The following DMD variants were observed in gnomAD, a reference collection of about 807,000 sequenced individuals.
DMD encodes the protein mutant dystrophin.
A neutral mutation model predicts 330.1 loss-of-function variants in DMD; 63 were observed. The ratio of observed to expected loss-of-function variants is 0.19; its 90% CI spans 0.16 to 0.24. The LOEUF (loss-of-function observed/expected upper bound fraction) is 0.24, where lower values mean the gene tolerates loss of function less well. Ranked by LOEUF, DMD falls within the 10% of genes least tolerant of loss-of-function variation. DMD has a pLI of 1.00. For missense variants in DMD, 3,344 were observed against 2,684.1 expected, an observed-to-expected ratio of 1.25 and a Z score of -5.43; for synonymous variants, 1,223 against 959.8, an observed-to-expected ratio of 1.27 and a Z score of -5.07.
intron 12 of DMD, among the ~76,000 whole-genome samples, chrX:32,602,647 A>C (rs1448918660): frequency 9.0e-6 from 1 of 111,346 alleles, no homozygotes. Flanking sequence ...AATGGTGATG[A>C]ATTATTTCAT....
intron 60 of DMD, among the ~76,000 whole-genome samples, chrX:31,413,754 T>C (rs968599695): frequency 1.8e-5 from 2 of 111,064 alleles, no homozygotes; most frequent in African/African-American, 6.6e-5. Context: ...CCATGTATAA[T>C]TCATGTAGTT....
At chrX:32,429,387 G>GTTATTTT (rs1191026907) in intron 29 of DMD, among the ~76,000 whole-genome samples, 3 of 44,201 alleles carry the variant, frequency 6.8e-5, no homozygotes, top group African/African-American at 3.3e-4. Flanking sequence ...TTTTTTTTGG[G>GTTATTTT]TTTTTTTTTT....
rs768998849 is a variant in DMD, at chrX:31,875,382, A to C, written c.6913-9T>G. On this transcript the variant is annotated splice_polypyrimidine_tract_variant and intron_variant, in intron 47 of 78. Coordinates refer to ENST00000357033, the MANE Select transcript of DMD (RefSeq NM_004006.3). ...GGTAAAGCTCTGGAAACCTGAAAGG[A>C]AAATACATTTTAAAAAGGTAAATAA... is the stretch of plus-strand genomic sequence containing the variant. 2 of 1,187,262 alleles carry C rather than the reference A, an allele frequency of 1.7e-6. No individual in the cohort carries two copies. The highest frequency in any genetic ancestry group is 4.4e-5 in the Admixed American group (2 of 45,046).
At chrX:33,117,856 CTT>C (rs1450101673) in intron 1 of DMD, among the ~76,000 whole-genome samples, 1 of 55,418 alleles carries the variant, frequency 1.8e-5, no homozygotes, top group African/African-American at 6.4e-5. Context: ...AGTATCTCAA[CTT>C]GTTGCAATTT....
At chrX:32,841,043 C>CCT (rs1569532518) in intron 4 of DMD, among the ~76,000 whole-genome samples, 1 of 111,576 alleles carries the variant, frequency 9.0e-6, no homozygotes, top group Non-Finnish European at 1.9e-5. Context: ...TGATCCATGT[C>CCT]CTCATCAACA....
At chrX:31,628,943 A>ATATATATATAT (rs756897440) in intron 54 of DMD, among the ~76,000 whole-genome samples, 148 of 70,635 alleles carry the variant, frequency 2.1e-3, no homozygotes, top group Non-Finnish European at 3.7e-3. Context: ...TATATATATA[A>ATATATATATAT]AATGCATGTA....
In DMD at chrX:32,645,062, C is replaced by T. The variant is rs1373509520; in HGVS notation, c.1051G>A (p.Val351Ile). Residue 351 changes from valine (V) to isoleucine (I), a missense_variant, in exon 10 of 79, where the codon GTA (valine) becomes ATA (isoleucine). Transcript: ENST00000357033. ...TCAGCAGAAAGAAGCCACGATAATA[C>T]TTCTTCTAAAGCTGTTTGATAACGG... ...LDRYQTALEE[V>I]LSWLLSAEDT... is the part of the protein sequence containing the mutation. The T allele has an allele frequency of 4.1e-6, 5 of 1,211,682 alleles. No homozygotes were observed. The South Asian group carries it at 5.3e-5, about 13-fold the overall frequency.
rs183919810 is a variant in DMD, at chrX:31,916,514, T to C, written c.6912+13082A>G. Among the ~76,000 whole-genome samples the C allele has an allele frequency of 2.9e-4, 32 of 111,988 alleles. No individual in the cohort carries two copies. The East Asian group carries it at 5.6e-3, about 20-fold the overall frequency. The stretch of plus-strand genomic sequence containing the variant: ...CTTTGCAAAGATGTCTGAAGAGACA[T>C]TCATGGCAAATCAATGGGGGTAACC... On this transcript the variant is annotated intron_variant, in intron 47 of 78. Coordinates refer to ENST00000357033, the MANE Select transcript of DMD (RefSeq NM_004006.3).
chrX:33,317,530 T>C (rs1005024873), intron 1 of DMD, among the ~76,000 whole-genome samples: 3 of 111,655 alleles, frequency 2.7e-5, no homozygotes, highest in Non-Finnish European at 3.8e-5. Flanking sequence ...GATTCCCATA[T>C]ACTATAAAAA....
intron 45 of DMD, among the ~76,000 whole-genome samples, chrX:31,943,479 C>A (rs772990197): frequency 4.5e-5 from 5 of 111,938 alleles, no homozygotes; most frequent in Non-Finnish European, 9.4e-5. Flanking sequence ...ACATTTCCAA[C>A]TATGAGAAAC....
At chrX:32,726,267 G>C (rs1239944909) in intron 7 of DMD, among the ~76,000 whole-genome samples, 1 of 111,004 alleles carries the variant, frequency 9.0e-6, no homozygotes, top group Non-Finnish European at 1.9e-5. Flanking sequence ...TCACAATGTA[G>C]CTTATCAATG....
At chrX:31,212,649 T>TA (rs2044855860) in intron 64 of DMD, among the ~76,000 whole-genome samples, 1 of 111,759 alleles carries the variant, frequency 8.9e-6, no homozygotes, top group Non-Finnish European at 1.9e-5. Flanking sequence ...TACAGAGTGA[T>TA]AGACTCTTAG....
chrX:32,478,194 G>C (rs1018495071), intron 21 of DMD, among the ~76,000 whole-genome samples: 15 of 111,214 alleles, frequency 1.3e-4, no homozygotes, highest in Non-Finnish European at 2.3e-4. Context: ...AAAAACATTA[G>C]AAGTCCTGTT....
At chrX:32,393,405 A>G (rs1285080142) in intron 30 of DMD, among the ~76,000 whole-genome samples, 1 of 111,590 alleles carries the variant, frequency 9.0e-6, no homozygotes, top group Non-Finnish European at 1.9e-5. Flanking sequence ...TTATGTCCCA[A>G]ATGAATGGTT....
intron 43 of DMD, among the ~76,000 whole-genome samples, chrX:32,278,933 C>A (rs1027657514): frequency 9.0e-6 from 1 of 111,490 alleles, no homozygotes; most frequent in Non-Finnish European, 1.9e-5. Flanking sequence ...GATTAATAAC[C>A]AGAATATATA....
At chrX:31,847,669 T>C (rs930317822) in intron 48 of DMD, among the ~76,000 whole-genome samples, 5 of 111,402 alleles carry the variant, frequency 4.5e-5, no homozygotes, top group African/African-American at 6.5e-5. Context: ...AAATGTGACA[T>C]AGAAAAGCTA....
intron 52 of DMD, among the ~76,000 whole-genome samples, chrX:31,699,711 G>A (rs1406380741): frequency 9.0e-6 from 1 of 111,531 alleles, no homozygotes; most frequent in Admixed American, 9.6e-5. Context: ...GAAGAACTTA[G>A]GGGTAAAGGG....
chrX:32,921,612 C>A (rs2088413983), intron 2 of DMD, among the ~76,000 whole-genome samples: 1 of 111,516 alleles, frequency 9.0e-6, no homozygotes, highest in Non-Finnish European at 1.9e-5. Flanking sequence ...GCAATGCCAG[C>A]ACCCCCAGTA....
At chrX:31,740,231 T>G (rs1316787044) in intron 51 of DMD, among the ~76,000 whole-genome samples, 1 of 112,480 alleles carries the variant, frequency 8.9e-6, no homozygotes, top group Non-Finnish European at 1.9e-5. Context: ...TTTTAGCTAT[T>G]CAACGTTAGA....
Sources: gnomAD v4.1 joint callset for allele counts (sites outside exome capture counted in the v4.1 genomes callset) on GRCh38, gnomAD v4.1.1 for gene constraint, MANE v1.5 for transcripts, NCBI Gene and HGNC (gene_info 2026-07-23, HGNC 2026-07-21) for gene names.